The following RAD51B variants were observed in gnomAD, a reference collection of about 807,000 sequenced individuals.
The protein encoded by RAD51B is RAD51 paralog B, also known as DNA repair protein RAD51 homolog 2.
A neutral mutation model predicts 42.2 loss-of-function variants in RAD51B; 38 were observed. That is an observed-to-expected ratio of 0.90 (90% confidence interval 0.70 to 1.18). The LOEUF (loss-of-function observed/expected upper bound fraction) is 1.18. RAD51B is among the 50% of genes most tolerant of loss of function. The pLI is 0.00. For missense variants in RAD51B, 373 were observed against 400.7 expected (o/e 0.93, Z 0.59); for synonymous variants, 154 against 145.2 (o/e 1.06, Z -0.43).
chr14:68,480,338 A>G (rs1883076944), downstream of RAD51B, among the ~76,000 whole-genome samples: 1 of 152,116 alleles, frequency 6.6e-6, no homozygotes, highest in Non-Finnish European at 1.5e-5. Flanking sequence ...CGGCCTCCCA[A>G]AGTGCTGGGA....
At chr14:67,999,209 G>T (rs539008285) in intron 7 of RAD51B, among the ~76,000 whole-genome samples, 31 of 152,096 alleles carry the variant, frequency 2.0e-4, no homozygotes, top group Non-Finnish European at 1.6e-4. Flanking sequence ...TTTTTTCAGT[G>T]TTTACAGTAG....
intron 7 of RAD51B, among the ~76,000 whole-genome samples, chr14:68,168,153 A>T (rs926003121): frequency 6.6e-6 from 1 of 152,132 alleles, no homozygotes; most frequent in Non-Finnish European, 1.5e-5. Context: ...ACAGATACTC[A>T]GATAGGAAGA....
At chr14:68,622,771 T>G (rs1429389441) in intron 10 of RAD51B, among the ~76,000 whole-genome samples, 1 of 150,096 alleles carries the variant, frequency 6.7e-6, no homozygotes, top group Non-Finnish European at 1.5e-5. Flanking sequence ...TCCTGAGGGC[T>G]ATTTGTGTTA....
chr14:67,888,187 T>C (rs1595063735), intron 7 of RAD51B, among the ~76,000 whole-genome samples: 1 of 152,198 alleles, frequency 6.6e-6, no homozygotes, highest in East Asian at 1.9e-4. Context: ...TTAATGGCTT[T>C]TTAGTTTATA....
intron 10 of RAD51B, among the ~76,000 whole-genome samples, chr14:68,513,315 G>C (rs968649767): frequency 6.6e-6 from 1 of 152,228 alleles, no homozygotes; most frequent in African/African-American, 2.4e-5. Context: ...TACATGTTTC[G>C]ACAGGGTGAG....
chr14:68,491,289 A>G (rs913179329), intron 10 of RAD51B, among the ~76,000 whole-genome samples: 7 of 152,166 alleles, frequency 4.6e-5, no homozygotes, highest in Non-Finnish European at 8.8e-5. Context: ...TGTGGGATAT[A>G]CTAGGTGCAA....
intron 8 of RAD51B, among the ~76,000 whole-genome samples, chr14:68,310,167 G>A (rs1413787848): frequency 1.3e-5 from 2 of 152,156 alleles, no homozygotes; most frequent in African/African-American, 2.4e-5. Flanking sequence ...TGGGAAGACT[G>A]GAGAGCCTTA....
chr14:68,061,095 G>A (rs1303060798), intron 7 of RAD51B, among the ~76,000 whole-genome samples: 1 of 125,764 alleles, frequency 8.0e-6, no homozygotes, highest in African/African-American at 3.1e-5. Flanking sequence ...TTGAGACACA[G>A]TCTTGCCGTA....
Position 68,151,623 on chromosome 14 carries a change from TGTGTGTGTTTCA to T in RAD51B, c.757-140258_757-140247del, listed in dbSNP as rs1347689627. ...TTTTTCTTGGTTTTTTGTGTGTGTG[TGTGTGTGTTTCA>T]GTTTGCATAGTTTCTATTGTTATGC... On this transcript the variant is annotated intron_variant, in intron 7 of 10. Coordinates refer to ENST00000471583, the MANE Select transcript of RAD51B (RefSeq NM_133510.4). 3.9e-5 allele frequency among the ~76,000 whole-genome samples: 6 copies of T among 152,094 alleles called. No individual in the cohort carries two copies. In the East Asian group the frequency reaches 1.2e-3, roughly 29 times the overall value.
intron 10 of RAD51B, among the ~76,000 whole-genome samples, chr14:68,469,726 T>C (rs900650464): frequency 1.3e-5 from 2 of 152,292 alleles, no homozygotes; most frequent in South Asian, 2.1e-4. Flanking sequence ...CTTAAAAGAT[T>C]AGAAGTATAG....
At chr14:68,650,633 C>G (rs1170204425) in intron 10 of RAD51B, 1 of 595,300 alleles carries the variant, frequency 1.7e-6, no homozygotes, top group Non-Finnish European at 3.0e-6. Context: ...GAGGCCCATA[C>G]TGTTGTGTTT....
intron 7 of RAD51B, among the ~76,000 whole-genome samples, chr14:68,113,445 C>T (rs2140594469): frequency 6.6e-6 from 1 of 152,200 alleles, no homozygotes; most frequent in Middle Eastern, 3.4e-3. Context: ...ATTAAACTCT[C>T]AATGTAAATG....
intron 8 of RAD51B, among the ~76,000 whole-genome samples, chr14:68,401,629 C>T (rs1008122539): frequency 1.3e-5 from 2 of 152,148 alleles, no homozygotes; most frequent in African/African-American, 4.8e-5. Flanking sequence ...CTCCTTTCAC[C>T]TCCAGCCAAG....
intron 4 of RAD51B, among the ~76,000 whole-genome samples, chr14:67,840,541 A>G (rs2041391779): frequency 6.6e-6 from 1 of 152,212 alleles, no homozygotes; most frequent in South Asian, 2.1e-4. Context: ...ATGGATGGGC[A>G]CTTAGGTTGA....
intron 8 of RAD51B, among the ~76,000 whole-genome samples, chr14:68,390,656 G>T (rs1272018416): frequency 2.6e-5 from 4 of 152,238 alleles, no homozygotes; most frequent in African/African-American, 9.6e-5. Flanking sequence ...AATCTATGCA[G>T]AGATACAATA....
chr14:68,476,664 CAG>C (rs541422345), intron 10 of RAD51B, among the ~76,000 whole-genome samples: 151 of 152,302 alleles, frequency 9.9e-4, no homozygotes, highest in African/African-American at 3.6e-3. Context: ...ATAGCTCACA[CAG>C]AGTCAGAACA....
intron 7 of RAD51B, among the ~76,000 whole-genome samples, chr14:67,938,675 A>G (rs1472308610): frequency 6.6e-6 from 1 of 152,212 alleles, no homozygotes; most frequent in Non-Finnish European, 1.5e-5. Flanking sequence ...TTCAGTAGAA[A>G]ACAGTTGATG....
chr14:68,445,902 C>T (rs935641291), intron 9 of RAD51B, among the ~76,000 whole-genome samples: 2 of 152,170 alleles, frequency 1.3e-5, no homozygotes, highest in South Asian at 2.1e-4. Context: ...GGACTGAGAA[C>T]GGTTTAAGGT....
intron 10 of RAD51B, among the ~76,000 whole-genome samples, chr14:68,500,505 G>A (rs1884844135): frequency 6.6e-6 from 1 of 152,222 alleles, no homozygotes; most frequent in Admixed American, 6.5e-5. Context: ...AGATGAGAAA[G>A]GATTTATTTA....
Sources: gnomAD v4.1 joint callset for allele counts (sites outside exome capture counted in the v4.1 genomes callset) on GRCh38, gnomAD v4.1.1 for gene constraint, MANE v1.5 for transcripts, NCBI Gene and HGNC (gene_info 2026-07-23, HGNC 2026-07-21) for gene names.